The following RAB10 variants were observed in gnomAD, a reference collection of about 807,000 sequenced individuals.
The protein encoded by RAB10 is ras-related protein Rab-10.
Under a neutral mutation model 25.7 loss-of-function variants are expected in RAB10, and 5 were observed. The ratio of observed to expected loss-of-function variants is 0.19; its 90% confidence interval spans 0.10 to 0.41. The LOEUF (loss-of-function observed/expected upper bound fraction) is 0.41. Ranked by LOEUF, RAB10 falls within the 10% of genes least tolerant of loss-of-function variation. The pLI is 1.00. For synonymous variants in RAB10, 89 were observed against 86.4 expected (o/e 1.03, Z -0.16); for missense variants, 103 against 245.8 (o/e 0.42, Z 3.89).
At chr2:26,060,026 A>T (rs1574532303) in intron 1 of RAB10, among the ~76,000 whole-genome samples, 1 of 152,228 alleles carries the variant, frequency 6.6e-6, no homozygotes, top group Non-Finnish European at 1.5e-5. Flanking sequence ...CTAAGAACAC[A>T]TAATAATAGC....
Position 26,098,970 on chromosome 2 carries a change from G to A in RAB10, c.188+248G>A, listed in dbSNP as rs544324630. ...ATTATTAGGCTTTTTATCTTCATAT[G>A]TAAAGGGAGATAGTAACACCCGTCT... On this transcript the variant is annotated intron_variant, in intron 2 of 5. Coordinates refer to ENST00000264710, the MANE Select transcript of RAB10 (RefSeq NM_016131.5). 4.3e-4 allele frequency among the ~76,000 whole-genome samples: 65 copies of A among 152,328 alleles called. 2 individuals carry two copies. The South Asian group carries it at 0.013, about 30-fold the overall frequency.
At chr2:26,075,045 A>AT (rs773823210) in intron 1 of RAB10, among the ~76,000 whole-genome samples, 2 of 152,220 alleles carry the variant, frequency 1.3e-5, no homozygotes, top group Non-Finnish European at 1.5e-5. Context: ...GTAGAAAATA[A>AT]GATTAATTGG....
intron 1 of RAB10, among the ~76,000 whole-genome samples, chr2:26,061,677 CAT>C (rs1230464684): frequency 6.6e-6 from 1 of 152,048 alleles, no homozygotes; most frequent in Non-Finnish European, 1.5e-5. Flanking sequence ...AGGTGTGAGT[CAT>C]TGTCCCCAGT....
intron 1 of RAB10, among the ~76,000 whole-genome samples, chr2:26,077,692 A>G (rs1666767385): frequency 6.6e-6 from 1 of 152,164 alleles, no homozygotes; most frequent in African/African-American, 2.4e-5. Flanking sequence ...AAGTCTGTAG[A>G]TGGGAGGCTG....
intron 1 of RAB10, among the ~76,000 whole-genome samples, chr2:26,075,486 A>G (rs1335389223): frequency 1.6e-5 from 1 of 61,752 alleles, no homozygotes; most frequent in African/African-American, 5.2e-5. Context: ...GTTTAAGCAG[A>G]TGTTTTGTCT....
At chr2:26,072,600 T>C (rs921436522) in intron 1 of RAB10, among the ~76,000 whole-genome samples, 1 of 152,144 alleles carries the variant, frequency 6.6e-6, no homozygotes, top group African/African-American at 2.4e-5. Context: ...GAATAATGTT[T>C]AGGATTATCT....
At chr2:26,079,059 C>T (rs1178042629) in intron 1 of RAB10, among the ~76,000 whole-genome samples, 5 of 151,898 alleles carry the variant, frequency 3.3e-5, no homozygotes, top group South Asian at 4.2e-4. Context: ...TGGTGGTGCC[C>T]ACCTGTAGTC....
chr2:26,072,608 T>C (rs1221867874), intron 1 of RAB10, among the ~76,000 whole-genome samples: 2 of 152,160 alleles, frequency 1.3e-5, no homozygotes, highest in East Asian at 3.9e-4. Flanking sequence ...TTTAGGATTA[T>C]CTGAATAGGT....
chr2:26,129,798 C>T (rs1667976240), intron 5 of RAB10, among the ~76,000 whole-genome samples: 1 of 152,028 alleles, frequency 6.6e-6, no homozygotes, highest in South Asian at 2.1e-4. Context: ...TATGAGAATC[C>T]AGTCAGATCA....
At chr2:26,084,479 C>T (rs1310893035) in intron 1 of RAB10, among the ~76,000 whole-genome samples, 3 of 152,148 alleles carry the variant, frequency 2.0e-5, no homozygotes, top group African/African-American at 7.2e-5. Context: ...GTCATATGTG[C>T]TTTTCCCTAG....
At chr2:26,128,570 G>A (rs987668025) in intron 5 of RAB10, among the ~76,000 whole-genome samples, 4 of 151,588 alleles carry the variant, frequency 2.6e-5, no homozygotes, top group African/African-American at 4.9e-5. Context: ...GACTCATTTC[G>A]CTTAATGAGT....
At chr2:26,066,444 C>T (rs996946693) in intron 1 of RAB10, among the ~76,000 whole-genome samples, 3 of 152,156 alleles carry the variant, frequency 2.0e-5, no homozygotes, top group Non-Finnish European at 4.4e-5. Context: ...TTGTATTAGT[C>T]TGTTCTCATG....
chr2:26,082,742 C>T (rs1465957049), intron 1 of RAB10, among the ~76,000 whole-genome samples: 2 of 152,010 alleles, frequency 1.3e-5, no homozygotes, highest in African/African-American at 4.8e-5. Flanking sequence ...GTATGCTTTC[C>T]AAGTTGTTTT....
intron 1 of RAB10, among the ~76,000 whole-genome samples, chr2:26,075,490 T>G (rs1666713185): frequency 1.6e-5 from 1 of 60,734 alleles, no homozygotes; most frequent in African/African-American, 5.3e-5. Context: ...AAGCAGATGT[T>G]TTGTCTCTCT....
chr2:26,037,023 G>A (rs573156921), intron 1 of RAB10, among the ~76,000 whole-genome samples: 1 of 151,954 alleles, frequency 6.6e-6, no homozygotes, highest in Non-Finnish European at 1.5e-5. Flanking sequence ...GCAATCCACC[G>A]CCCCAGCCTC....
intron 3 of RAB10, among the ~76,000 whole-genome samples, chr2:26,112,622 G>T (rs1667597449): frequency 6.6e-6 from 1 of 152,148 alleles, no homozygotes; most frequent in African/African-American, 2.4e-5. Context: ...AAAATTGTGG[G>T]TGTGGTGGTG....
intron 2 of RAB10, among the ~76,000 whole-genome samples, chr2:26,104,899 G>A (rs749793466): frequency 7.2e-5 from 11 of 151,744 alleles, no homozygotes; most frequent in Non-Finnish European, 1.0e-4. Flanking sequence ...CACCACGCCC[G>A]GCTAATTTTT....
At chr2:26,099,788 C>T (rs919646320) in intron 2 of RAB10, among the ~76,000 whole-genome samples, 2 of 152,020 alleles carry the variant, frequency 1.3e-5, no homozygotes, top group Admixed American at 6.6e-5. Flanking sequence ...GTGATCCGCC[C>T]GCCTTGGCCT....
rs558084502 is a variant in RAB10 at position 26,106,900 on chromosome 2, G to A, written c.189-2868G>A. ...ACTCTGTCTCAAAAAAAGAAAAAAA[G>A]ACCCATAAGGCTTTTAGAAGAAAAT... On this transcript the variant is annotated intron_variant, in intron 2 of 5. Coordinates refer to ENST00000264710, the MANE Select transcript of RAB10 (RefSeq NM_016131.5). 4.4e-4 allele frequency among the ~76,000 whole-genome samples: 66 copies of A among 148,366 alleles called. 2 individuals are homozygous for A. In the South Asian group the frequency reaches 0.013, roughly 29 times the overall value.
Sources: gnomAD v4.1 joint callset for allele counts (sites outside exome capture counted in the v4.1 genomes callset) on GRCh38, gnomAD v4.1.1 for gene constraint, MANE v1.5 for transcripts, NCBI Gene and HGNC (gene_info 2026-07-23, HGNC 2026-07-21) for gene names.